TBC1D31: variants seen among roughly 807,000 people sequenced by gnomAD.
TBC1D31 encodes WD repeat domain 67.
In TBC1D31, 99 loss-of-function variants were observed where a neutral mutation model predicts 132.9. That is an observed-to-expected ratio of 0.74 (90% CI 0.63 to 0.88). The LOEUF is 0.88. TBC1D31 is among the 40% of genes least tolerant of loss of function. The pLI, the probability that TBC1D31 is intolerant of heterozygous loss-of-function variation, is 0.00. For missense variants in TBC1D31, 1,134 were observed against 1,256.6 expected (o/e 0.90, Z 1.48); for synonymous variants, 385 against 419.4 (o/e 0.92, Z 1.00).
At chr8:123,082,631 C>T (rs574883476) in intron 2 of TBC1D31, 71 bp from the exon 3 acceptor site, 37 of 1,112,838 alleles carry the variant, frequency 3.3e-5, no homozygotes, top group Admixed American at 6.3e-5. Flanking sequence ...TTCGTCTCTA[C>T]GGACTCCTTC....
At chr8:123,088,740 G>A (rs1816040778) in intron 4 of TBC1D31, among the ~76,000 whole-genome samples, 1 of 151,922 alleles carries the variant, frequency 6.6e-6, no homozygotes, top group Admixed American at 6.6e-5. Flanking sequence ...ACTTGCTTTG[G>A]GTCTTTTGTT....
chr8:123,072,919 G>T (rs1353416311), intron 1 of TBC1D31, 73 bp downstream of exon 1: 7 of 1,458,598 alleles, frequency 4.8e-6, no homozygotes, highest in Admixed American at 2.0e-5. Flanking sequence ...CCGGGCGTCA[G>T]GCAGCGTTCC....
chr8:123,144,866 G>C lies in TBC1D31; in HGVS notation c.2974+11G>C. The C allele has an allele frequency of 6.2e-7, 1 of 1,602,200 alleles. No homozygotes were observed. Among genetic ancestry groups the C allele is most frequent in the Non-Finnish European group, 8.5e-7 (1 of 1,176,694 alleles). On this transcript the variant is annotated intron_variant, in intron 20 of 21. Coordinates refer to ENST00000287380, the MANE Select transcript of TBC1D31 (RefSeq NM_145647.4). Reference sequence around the variant, plus strand: ...ATCCATGTCATAAAGGTGAGTGTCTGAGAGGCCTTTCTCTCCATGATGTTA... The same window carrying C: ...ATCCATGTCATAAAGGTGAGTGTCTCAGAGGCCTTTCTCTCCATGATGTTA...
At chr8:123,086,558 TTCC>T (rs1441371631) in intron 4 of TBC1D31, among the ~76,000 whole-genome samples, 1 of 152,076 alleles carries the variant, frequency 6.6e-6, no homozygotes, top group African/African-American at 2.4e-5. Context: ...CCGGTCACTC[TTCC>T]TCCTCCAAGT....
At chr8:123,110,168 C>T (rs1400696215) in intron 10 of TBC1D31, among the ~76,000 whole-genome samples, 1 of 152,184 alleles carries the variant, frequency 6.6e-6, no homozygotes, top group Non-Finnish European at 1.5e-5. Flanking sequence ...AATTCTTATT[C>T]TACCACTTAA....
At chr8:123,111,606 C>T (rs1371513830) in intron 10 of TBC1D31, among the ~76,000 whole-genome samples, 1 of 151,834 alleles carries the variant, frequency 6.6e-6, no homozygotes, top group East Asian at 1.9e-4. Context: ...TTTTCTTATG[C>T]TAAAAATCTT....
chr8:123,134,466 G>A (rs563612265), intron 17 of TBC1D31, among the ~76,000 whole-genome samples: 2 of 152,094 alleles, frequency 1.3e-5, no homozygotes, highest in African/African-American at 4.8e-5. Flanking sequence ...GTTCGAGGCT[G>A]CAGTGAACCA....
intron 16 of TBC1D31, among the ~76,000 whole-genome samples, chr8:123,130,799 T>G (rs1385010285): frequency 1.3e-5 from 2 of 151,598 alleles, no homozygotes; most frequent in East Asian, 3.9e-4. Flanking sequence ...TTTTTGTATT[T>G]TTCTTAGAGA....
intron 20 of TBC1D31, among the ~76,000 whole-genome samples, chr8:123,149,214 T>C (rs978557627): frequency 6.7e-6 from 1 of 149,518 alleles, no homozygotes; most frequent in African/African-American, 2.5e-5. Context: ...TGTTTGAAGA[T>C]GACTCTTAGA....
chr8:123,100,917 T>C lies in TBC1D31; in HGVS notation c.942T>C (p.Ile314=), dbSNP rs1286557261. 1 of 1,613,844 alleles carries C rather than the reference T, an allele frequency of 6.2e-7. No individual in the cohort carries two copies. The highest frequency in any genetic ancestry group is 8.5e-7 in the Non-Finnish European group (1 of 1,179,890). Reference sequence around the variant, plus strand: ...ATGAAGGAATTAGCTCATCAGCAATTAGCCCACATGGACGGTACATTGCAT... The same window carrying C: ...ATGAAGGAATTAGCTCATCAGCAATCAGCCCACATGGACGGTACATTGCAT... ...SLDEGISSSA[I]SPHGRYIASI... is the part of the protein sequence containing the mutation. Residue 314 remains isoleucine, a synonymous_variant, in exon 7 of 22, where the codon ATT becomes ATC. Coordinates refer to ENST00000287380, the MANE Select transcript of TBC1D31 (RefSeq NM_145647.4).
intron 11 of TBC1D31, among the ~76,000 whole-genome samples, chr8:123,124,539 C>A (rs369805832): frequency 3.9e-5 from 6 of 152,046 alleles, no homozygotes; most frequent in African/African-American, 9.7e-5. Flanking sequence ...AAGGATCAGG[C>A]CTTTGGGTAT....
chr8:123,158,808 G>C, the TBC1D31 span, among the ~76,000 whole-genome samples: 7 of 152,204 alleles, frequency 4.6e-5, no homozygotes, highest in East Asian at 1.2e-3. Context: ...AGTGGGAGAA[G>C]GACTGGGAGC....
intron 4 of TBC1D31, among the ~76,000 whole-genome samples, chr8:123,093,230 T>C (rs1816520096): frequency 6.6e-6 from 1 of 152,152 alleles, no homozygotes; most frequent in South Asian, 2.1e-4. Context: ...ATTACAGGTG[T>C]GAGCCACCAC....
In TBC1D31 at chr8:123,135,526, G is replaced by A. The variant is rs181121409; in HGVS notation, c.2499+1320G>A. Reference sequence around the variant, plus strand: ...TGAGGTGGGAGGATCACTTGAGCCCGGGGGACGGAGGCTGCAGTGAGCCAA... The same window carrying A: ...TGAGGTGGGAGGATCACTTGAGCCCAGGGGACGGAGGCTGCAGTGAGCCAA... On this transcript the variant is annotated intron_variant, in intron 17 of 21. Transcript: ENST00000287380. 8.3e-3 allele frequency among the ~76,000 whole-genome samples: 1,264 copies of A among 152,172 alleles called. 15 individuals are homozygous for A. Among genetic ancestry groups the A allele is most frequent in the African/African-American group, 0.03 (1,226 of 41,500 alleles).
chr8:123,082,632 G>T (rs111584092), intron 2 of TBC1D31, 70 bp from the exon 3 acceptor site: 22 of 1,118,178 alleles, frequency 2.0e-5, no homozygotes, highest in Non-Finnish European at 2.9e-5. Context: ...TCGTCTCTAC[G>T]GACTCCTTCC....
At position 123,084,072 on chromosome 8, in the gene TBC1D31, T is replaced by C. The variant is rs1361728051; in HGVS notation, c.341-90T>C. On this transcript the variant is annotated intron_variant, in intron 3 of 21. Coordinates refer to ENST00000287380, the MANE Select transcript of TBC1D31 (RefSeq NM_145647.4). ...GCCTCATATAATACCTAACCACCCA[T>C]TGCATCAGTTCATCTATGGTGTTTA... The C allele has an allele frequency of 1.7e-5, 19 of 1,106,482 alleles. No individual in the cohort carries two copies. The South Asian group carries it at 1.8e-4, about 10-fold the overall frequency. 68.5% of individuals were successfully genotyped at this position (1,106,482 alleles called of 1,614,324 possible). A position where few individuals can be genotyped will look rare whatever the true frequency, so the allele number is the denominator to read the frequency against.
At position 123,130,263 on chromosome 8, in the gene TBC1D31, G is replaced by GT. The variant is rs1563739687; in HGVS notation, c.2340dup (p.Leu781SerfsTer17). ...CACTTACAAGATGCTGCAAGAAGGC[G>GT]TTTTCTGAAGCTTCAGCAAGATCAA... On this transcript the variant is annotated frameshift_variant, in exon 16 of 22. Coordinates refer to ENST00000287380, the MANE Select transcript of TBC1D31 (RefSeq NM_145647.4). LOFTEE classifies it high-confidence loss of function. 1.2e-6 allele frequency: 2 copies of GT among 1,612,898 alleles called. No homozygotes were observed. The highest frequency in any genetic ancestry group is 1.7e-6 in the Non-Finnish European group (2 of 1,179,390).
At chr8:123,097,587 G>A in intron 6 of TBC1D31, 146 bp downstream of exon 6, 1 of 988,126 alleles carries the variant, frequency 1.0e-6, no homozygotes, top group Admixed American at 3.4e-5. Context: ...GAAGAGTCTA[G>A]GATTGAAAAA....
At chr8:123,079,720 TG>T in intron 2 of TBC1D31, among the ~76,000 whole-genome samples, 1 of 152,340 alleles carries the variant, frequency 6.6e-6, no homozygotes, top group South Asian at 2.1e-4. Context: ...CTCCTTGCAT[TG>T]GACTCTACTG....
Sources: gnomAD v4.1 joint callset for allele counts (sites outside exome capture counted in the v4.1 genomes callset) on GRCh38, gnomAD v4.1.1 for gene constraint, MANE v1.5 for transcripts, NCBI Gene and HGNC (gene_info 2026-07-23, HGNC 2026-07-21) for gene names.